The following PAK5 variants were observed in gnomAD, a reference collection of about 807,000 sequenced individuals.
The protein encoded by PAK5 is p21 (RAC1) activated kinase 5.
In PAK5, 16 loss-of-function variants were observed where a neutral mutation model predicts 65.9. That is an observed-to-expected ratio of 0.24 (90% CI 0.16 to 0.37). PAK5 has a LOEUF of 0.37. PAK5 is among the 10% of genes least tolerant of loss of function. The pLI is 1.00. For missense variants in PAK5, 785 were observed against 903.9 expected, an observed-to-expected ratio of 0.87 and a Z score of 1.69; for synonymous variants, 371 against 354.9, an observed-to-expected ratio of 1.05 and a Z score of -0.51.
intron 1 of PAK5, among the ~76,000 whole-genome samples, chr20:9,755,664 G>T (rs1258533130): frequency 1.3e-5 from 2 of 152,160 alleles, no homozygotes; most frequent in Non-Finnish European, 2.9e-5. Context: ...ACTAGACAGA[G>T]TTCAACTCAT....
intron 2 of PAK5, among the ~76,000 whole-genome samples, chr20:9,705,727 AGATATAAAAAAT>A (rs1681972736): frequency 6.6e-6 from 1 of 152,176 alleles, no homozygotes; most frequent in Non-Finnish European, 1.5e-5. Context: ...GCACCAGGAG[AGATATAAAAAAT>A]GATCATACTA....
intron 2 of PAK5, among the ~76,000 whole-genome samples, chr20:9,709,464 G>A (rs866897641): frequency 3.9e-5 from 6 of 152,128 alleles, no homozygotes; most frequent in African/African-American, 1.4e-4. Context: ...TTGATGGTTT[G>A]CACCTGTTTA....
rs1568948946 is a variant in PAK5, at chr20:9,537,462, C to T, written c.*2000G>A. ...GTTAGTGCTCACAAAACCTTTTAAG[C>T]TACAGTAACTTTTGGTAAACTCAAT... is the stretch of plus-strand genomic sequence containing the variant. On this transcript the variant is annotated 3_prime_UTR_variant, in exon 10 of 10. Coordinates refer to ENST00000353224, the MANE Select transcript of PAK5 (RefSeq NM_177990.4). 2.9e-5 allele frequency: 6 copies of T among 210,222 alleles called. No individual in the cohort carries two copies. The highest frequency in any genetic ancestry group is 4.5e-5 in the African/African-American group (2 of 43,990). The allele number at this position is 210,222 out of a possible 1,614,324, so 13.0% of individuals were successfully genotyped here.
intron 7 of PAK5, among the ~76,000 whole-genome samples, chr20:9,552,730 T>C (rs1298844211): frequency 1.3e-5 from 2 of 151,902 alleles, no homozygotes; most frequent in African/African-American, 4.8e-5. Context: ...TTTAGTTTTT[T>C]TTTTTTTTGG....
At chr20:9,580,995 T>C in intron 3 of PAK5, 65 bp from the exon 4 acceptor site, 1 of 1,185,220 alleles carries the variant, frequency 8.4e-7, no homozygotes. Context: ...GATGGTGGCA[T>C]CCCACCCCCA....
chr20:9,580,537 G>T lies in PAK5; in HGVS notation c.598C>A (p.His200Asn), dbSNP rs1327784513. 6.2e-7 allele frequency: 1 copy of T among 1,614,146 alleles called. No homozygotes were observed. Among genetic ancestry groups the T allele is most frequent in the South Asian group, 1.1e-5 (1 of 91,086 alleles). Residue 200 changes from histidine to asparagine, a missense_variant, in exon 4 of 10, where the codon CAC (histidine) becomes AAC (asparagine). His to Asn is a moderately conservative substitution (Grantham distance 68). Around this residue, in one of 4 missense-constraint regions of PAK5, gnomAD observed 422 missense variants for 413.3 expected, o/e 1.02. Transcript: ENST00000353224. ...SDFARFSADY[H>N]SHLDSLSKPS... ...TTGCTCAGTGAGTCCAAATGTGAGTGATAATCGGCAGAAAATCTGGCAAAA... is the reference window on the plus strand; with the variant it reads ...TTGCTCAGTGAGTCCAAATGTGAGTTATAATCGGCAGAAAATCTGGCAAAA...
intron 1 of PAK5, among the ~76,000 whole-genome samples, chr20:9,742,458 C>T (rs1026591478): frequency 6.6e-6 from 1 of 152,138 alleles, no homozygotes; most frequent in East Asian, 1.9e-4. Context: ...ATAAAAGCAT[C>T]TAAATATCCT....
intron 1 of PAK5, among the ~76,000 whole-genome samples, chr20:9,798,570 A>G (rs1475592823): frequency 6.6e-6 from 1 of 152,184 alleles, no homozygotes; most frequent in African/African-American, 2.4e-5. Context: ...CATCAGCTTA[A>G]AGCCTGTGCA....
chr20:9,623,902 G>A (rs886106409), intron 3 of PAK5, among the ~76,000 whole-genome samples: 5 of 152,092 alleles, frequency 3.3e-5, no homozygotes, highest in Non-Finnish European at 5.9e-5. Flanking sequence ...ATAATACCAG[G>A]GCATGGTGAG....
Position 9,787,651 on chromosome 20 carries a change from GTGTGTA to G in PAK5, c.-162+51105_-162+51110del, listed in dbSNP as rs1170115960. Among the ~76,000 whole-genome samples the G allele has an allele frequency of 5.5e-3, 705 of 127,468 alleles. 5 individuals carry two copies. The highest frequency in any genetic ancestry group is 0.019 in the Middle Eastern group (5 of 266). The allele number at this position is 127,468 out of a possible 152,430, so 83.6% of individuals were successfully genotyped here. ...TGTGTGTGTGTGTGTGTGTGTGTGTGTGTGTATGTGTATACATTTACAGTGGTGTGC... is the reference window on the plus strand; with the variant it reads ...TGTGTGTGTGTGTGTGTGTGTGTGTGTGTGTATACATTTACAGTGGTGTGC... On this transcript the variant is annotated intron_variant, in intron 1 of 9. Transcript: ENST00000353224.
chr20:9,558,552 G>A (rs2045546616), intron 6 of PAK5, among the ~76,000 whole-genome samples: 1 of 152,102 alleles, frequency 6.6e-6, no homozygotes, highest in Admixed American at 6.6e-5. Context: ...ACTTCCTTGG[G>A]TCTTATTTTC....
intron 2 of PAK5, among the ~76,000 whole-genome samples, chr20:9,699,610 A>T (rs939647904): frequency 6.8e-6 from 1 of 146,062 alleles, no homozygotes; most frequent in Non-Finnish European, 1.5e-5. Context: ...TCTGGGGAAG[A>T]TGTGAGATCA....
At chr20:9,828,008 G>A (rs893007251) in intron 1 of PAK5, among the ~76,000 whole-genome samples, 1 of 151,892 alleles carries the variant, frequency 6.6e-6, no homozygotes, top group African/African-American at 2.4e-5. Context: ...ATGTTTTTTT[G>A]TATTTTTAGT....
chr20:9,672,949 T>C (rs987201850), intron 2 of PAK5, among the ~76,000 whole-genome samples: 1 of 152,152 alleles, frequency 6.6e-6, no homozygotes, highest in African/African-American at 2.4e-5. Flanking sequence ...GTCTATTAGA[T>C]CCTTGAGGTC....
intron 3 of PAK5, among the ~76,000 whole-genome samples, chr20:9,622,195 C>T (rs1261615921): frequency 3.0e-5 from 2 of 67,402 alleles, no homozygotes; most frequent in African/African-American, 1.3e-4. Context: ...TCATATATTA[C>T]AGTTATCTCT....
chr20:9,732,255 CT>C (rs2048342286), intron 1 of PAK5, among the ~76,000 whole-genome samples: 1 of 152,126 alleles, frequency 6.6e-6, no homozygotes, highest in Non-Finnish European at 1.5e-5. Context: ...AGCATTAAGG[CT>C]GCCAAATTAC....
intron 1 of PAK5, among the ~76,000 whole-genome samples, chr20:9,825,332 T>C (rs6141051): frequency 6.6e-6 from 1 of 152,200 alleles, no homozygotes; most frequent in African/African-American, 2.4e-5. Flanking sequence ...TTTAGTAAGG[T>C]ACAGTGATAT....
At chr20:9,811,033 T>C (rs1159398061) in intron 1 of PAK5, among the ~76,000 whole-genome samples, 2 of 152,160 alleles carry the variant, frequency 1.3e-5, no homozygotes, top group African/African-American at 4.8e-5. Context: ...AGCAGTATAA[T>C]GGTTTATGTG....
In PAK5 at chr20:9,838,438, C is replaced by T. The variant is rs1354846049; in HGVS notation, c.-162+324G>A. ...GCGAGCAGTTCGGGGTACCAGCACG[C>T]TCTCAGGGCTGGAATCCGGGGTTCT... On this transcript the variant is annotated intron_variant, in intron 1 of 9. Coordinates refer to ENST00000353224, the MANE Select transcript of PAK5 (RefSeq NM_177990.4). This position sits in a 1 kb window ranked among gnomAD's most constrained non-coding sequence, Gnocchi z 4.5. Among the ~76,000 whole-genome samples the T allele has an allele frequency of 1.3e-5, 2 of 152,116 alleles. No homozygotes were observed. Among genetic ancestry groups the T allele is most frequent in the African/African-American group, 2.4e-5 (1 of 41,426 alleles).
Sources: gnomAD v4.1 joint callset for allele counts (sites outside exome capture counted in the v4.1 genomes callset) on GRCh38, gnomAD v4.1.1 for gene constraint, gnomAD v4.1.1 regional missense constraint, Gnocchi (gnomAD v3.1) non-coding constraint, MANE v1.5 for transcripts, NCBI Gene and HGNC (gene_info 2026-07-23, HGNC 2026-07-21) for gene names.